KLHL29: variants seen among roughly 807,000 people sequenced by gnomAD.
KLHL29 encodes the protein kelch like family member 29.
A neutral mutation model predicts 80.4 loss-of-function variants in KLHL29; 21 were observed. The observed-to-expected ratio is 0.26, with a 90% CI of 0.19 to 0.38. KLHL29 has a LOEUF of 0.38. Ranked by LOEUF, KLHL29 falls within the 10% of genes least tolerant of loss-of-function variation. The pLI, the probability that KLHL29 is intolerant of heterozygous loss-of-function variation, is 1.00. For missense variants in KLHL29, 867 were observed against 1,223.9 expected (o/e 0.71, Z 4.35); for synonymous variants, 511 against 526.8 (o/e 0.97, Z 0.41).
intron 3 of KLHL29, among the ~76,000 whole-genome samples, chr2:23,566,230 C>G (rs1287645600): frequency 6.6e-6 from 1 of 152,216 alleles, no homozygotes; most frequent in Non-Finnish European, 1.5e-5. Flanking sequence ...GTGGGCTCCC[C>G]CAGCCCCGCA....
At chr2:23,671,724 G>A (rs904783595) in intron 5 of KLHL29, among the ~76,000 whole-genome samples, 39 of 152,270 alleles carry the variant, frequency 2.6e-4, no homozygotes, top group Admixed American at 1.3e-3. Context: ...CAGCCAGCCG[G>A]GGCCTCCGAA....
intron 3 of KLHL29, among the ~76,000 whole-genome samples, chr2:23,607,931 A>G (rs1187140599): frequency 6.6e-6 from 1 of 152,156 alleles, no homozygotes; most frequent in Non-Finnish European, 1.5e-5. Context: ...TTTGTGAGCA[A>G]GCCTCTGTCA....
intron 3 of KLHL29, among the ~76,000 whole-genome samples, chr2:23,600,100 C>T (rs7599266): frequency 0.59 from 90,126 of 152,154 alleles, 28,289 homozygotes; most frequent in South Asian, 0.74. Context: ...GAATGCAGCC[C>T]AAGCTGGAGG....
At chr2:23,577,144 C>T (rs150755244) in intron 3 of KLHL29, among the ~76,000 whole-genome samples, 139 of 152,318 alleles carry the variant, frequency 9.1e-4, no homozygotes, top group African/African-American at 3.2e-3. Flanking sequence ...GGTGTCTCCA[C>T]GTGGCTCCAT....
At chr2:23,558,409 CT>C (rs749980959) in intron 2 of KLHL29, among the ~76,000 whole-genome samples, 24 of 53,360 alleles carry the variant, frequency 4.5e-4, no homozygotes, top group Middle Eastern at 8.9e-3. Context: ...GACATTTTCT[CT>C]TTTTTTTTTT....
chr2:23,661,877 G>A (rs1029370769), intron 5 of KLHL29, among the ~76,000 whole-genome samples: 14 of 152,374 alleles, frequency 9.2e-5, no homozygotes, highest in Admixed American at 2.0e-4. Flanking sequence ...GCCTGCCCTT[G>A]TATAGGAGGA....
chr2:23,501,402 G>A (rs1228049225), intron 2 of KLHL29, among the ~76,000 whole-genome samples: 1 of 152,118 alleles, frequency 6.6e-6, no homozygotes, highest in East Asian at 1.9e-4. Context: ...TTCCCTGAGG[G>A]TGGGAGATAG....
Position 23,642,348 on chromosome 2 carries a change from A to G in KLHL29, c.438A>G (p.Pro146=). ...CCATCTCCCTTGCAGGCACAGGGCC[A>G]TGGGTGACCACGGTGGCCGCCGGGA... ...MRESDNPGTG[P]WVTTVAAGNQ... The change falls in exon 5 of 14, where the codon CCA becomes CCG. Residue 146 remains proline, a synonymous_variant. Transcript: ENST00000486442. 3 of 1,434,900 alleles carry G rather than the reference A, an allele frequency of 2.1e-6. No individual in the cohort carries two copies. The highest frequency in any genetic ancestry group is 1.8e-6 in the Non-Finnish European group (2 of 1,089,214). 88.9% of individuals were successfully genotyped at this position (1,434,900 alleles called of 1,614,324 possible). A position where few individuals can be genotyped will look rare whatever the true frequency, so the allele number is the denominator to read the frequency against.
chr2:23,541,961 A>G (rs1190838910), intron 2 of KLHL29, among the ~76,000 whole-genome samples: 1 of 152,050 alleles, frequency 6.6e-6, no homozygotes, highest in Non-Finnish European at 1.5e-5. Flanking sequence ...CTGTCTAGAA[A>G]ACTGAAGAAT....
At chr2:23,654,406 A>G (rs952707622) in intron 5 of KLHL29, among the ~76,000 whole-genome samples, 5 of 152,172 alleles carry the variant, frequency 3.3e-5, no homozygotes, top group African/African-American at 1.2e-4. Flanking sequence ...CTCCTAATCC[A>G]TCTGCTCATG....
At chr2:23,396,548 A>G (rs1666456384) in intron 1 of KLHL29, among the ~76,000 whole-genome samples, 1 of 152,164 alleles carries the variant, frequency 6.6e-6, no homozygotes, top group Non-Finnish European at 1.5e-5. Context: ...TGCATACCTC[A>G]TTTGGAAGCT....
intron 3 of KLHL29, among the ~76,000 whole-genome samples, chr2:23,610,605 G>A (rs1400247119): frequency 6.6e-6 from 1 of 152,218 alleles, no homozygotes; most frequent in Non-Finnish European, 1.5e-5. Flanking sequence ...CATCAGTCAT[G>A]ATCAGCAGAT....
At chr2:23,706,086 C>G (rs556590629) in intron 13 of KLHL29, among the ~76,000 whole-genome samples, 3 of 152,346 alleles carry the variant, frequency 2.0e-5, no homozygotes, top group South Asian at 2.1e-4. Flanking sequence ...ATTATTCTCT[C>G]TCGTCATTCT....
At chr2:23,483,988 C>G (rs1664864187) in intron 2 of KLHL29, among the ~76,000 whole-genome samples, 1 of 152,218 alleles carries the variant, frequency 6.6e-6, no homozygotes, top group East Asian at 1.9e-4. Context: ...CATTGACCAT[C>G]TGCTGGGCTG....
At chr2:23,671,937 A>T (rs1289973219) in intron 5 of KLHL29, 7 of 152,072 alleles carry the variant, frequency 4.6e-5, no homozygotes, top group Admixed American at 2.6e-4. Flanking sequence ...TCATTCCCCA[A>T]CCTCCAATAC....
chr2:23,649,459 A>G (rs569669744), intron 5 of KLHL29, among the ~76,000 whole-genome samples: 2 of 152,256 alleles, frequency 1.3e-5, no homozygotes, highest in East Asian at 3.9e-4. Flanking sequence ...TCATTTGACT[A>G]TGAGTGAACC....
chr2:23,502,957 A>G (rs1190074847), intron 2 of KLHL29, among the ~76,000 whole-genome samples: 1 of 152,086 alleles, frequency 6.6e-6, no homozygotes, highest in Non-Finnish European at 1.5e-5. Flanking sequence ...GGGGATGGCC[A>G]AGCTTGAAAT....
chr2:23,544,805 T>C (rs943364455), intron 2 of KLHL29, among the ~76,000 whole-genome samples: 1 of 152,016 alleles, frequency 6.6e-6, no homozygotes, highest in Non-Finnish European at 1.5e-5. Context: ...CCTAAAGTGA[T>C]GGAGCCGCTG....
chr2:23,479,704 T>C (rs770811323), intron 2 of KLHL29, among the ~76,000 whole-genome samples: 6 of 152,124 alleles, frequency 3.9e-5, no homozygotes, highest in African/African-American at 1.2e-4. Context: ...CAAAGCTGCT[T>C]CCTTGCTCTC....
Sources: allele counts gnomAD v4.1 joint callset (sites outside exome capture counted in the v4.1 genomes callset), GRCh38; gene constraint gnomAD v4.1.1; transcripts MANE v1.5; gene names NCBI Gene and HGNC (gene_info 2026-07-23, HGNC 2026-07-21).